The following SERINC5 variants were observed in gnomAD, a reference collection of about 807,000 sequenced individuals.
SERINC5 encodes serine incorporator 5.
SERINC5 carries 41 observed loss-of-function variants against 63.1 expected under a neutral mutation model. That is an observed-to-expected ratio of 0.65 (90% CI 0.51 to 0.84). The LOEUF is 0.84. SERINC5 is among the 40% of genes least tolerant of loss of function. SERINC5 has a pLI of 0.00. For missense variants in SERINC5, 523 were observed against 573.0 expected, an observed-to-expected ratio of 0.91 and a Z score of 0.89; for synonymous variants, 222 against 215.2, an observed-to-expected ratio of 1.03 and a Z score of -0.28.
rs779512008 is a variant in SERINC5 at position 80,203,284 on chromosome 5, T to A, written c.28-231A>T. ...TATATATATATATGTGTATATATAT[T>A]TATATATATTGAGACAGTCTATATC... On this transcript the variant is annotated intron_variant, in intron 1 of 11. Coordinates refer to ENST00000507668, the MANE Select transcript of SERINC5 (RefSeq NM_001174072.3). 4.6e-5 allele frequency: 8 copies of A among 174,316 alleles called. No homozygotes were observed. The East Asian group carries it at 6.6e-4, about 14-fold the overall frequency. The allele number at this position is 174,316 out of a possible 1,614,324, so 10.8% of individuals were successfully genotyped here. A position where few individuals can be genotyped will look rare whatever the true frequency, so the allele number is the denominator to read the frequency against.
At chr5:80,136,295 G>A (rs1266341528), downstream of SERINC5, among the ~76,000 whole-genome samples, 2 of 151,080 alleles carry the variant, frequency 1.3e-5, no homozygotes, top group Non-Finnish European at 3.0e-5. Context: ...AAAAAAAAAT[G>A]CTTTACTCTA....
intron 2 of SERINC5, among the ~76,000 whole-genome samples, chr5:80,190,789 T>C (rs1003172387): frequency 2.0e-5 from 3 of 152,194 alleles, no homozygotes; most frequent in African/African-American, 7.2e-5. Context: ...AGAGCCCCAT[T>C]ACCTGTTCCC....
intron 4 of SERINC5, among the ~76,000 whole-genome samples, chr5:80,176,340 C>G (rs1057312152): frequency 2.6e-5 from 4 of 152,194 alleles, no homozygotes; most frequent in Non-Finnish European, 4.4e-5. Context: ...ACATGAAAAA[C>G]AAGTATGACC....
chr5:80,165,126 A>T (rs1304768425), intron 7 of SERINC5, among the ~76,000 whole-genome samples: 2 of 152,000 alleles, frequency 1.3e-5, no homozygotes, highest in Non-Finnish European at 2.9e-5. Context: ...AGAAATTAAT[A>T]CATAAACAGT....
chr5:80,223,480 C>A (rs2112544247), intron 1 of SERINC5, among the ~76,000 whole-genome samples: 1 of 152,098 alleles, frequency 6.6e-6, no homozygotes, highest in South Asian at 2.1e-4. Flanking sequence ...TCAATCCAGA[C>A]ACAGAATCCA....
rs1174325559 is a variant in SERINC5 at position 80,229,050 on chromosome 5, T to TGGGGTGGGGG, written c.28-25998_28-25997insCCCCCACCCC. Reference sequence around the variant, plus strand: ...TTTTTTTTTTTTTTTTTTTTTTTTTTGGGGATGGAGTTGCCTAGGCTGGAG... The same window carrying TGGGGTGGGGG: ...TTTTTTTTTTTTTTTTTTTTTTTTTTGGGGTGGGGGGGGGATGGAGTTGCCTAGGCTGGAG... On this transcript the variant is annotated intron_variant, in intron 1 of 11. Transcript: ENST00000507668. Among the ~76,000 whole-genome samples, 7 of 94,164 alleles carry TGGGGTGGGGG rather than the reference T, an allele frequency of 7.4e-5. No individual in the cohort carries two copies. In the East Asian group the frequency reaches 1.0e-3, roughly 14 times the overall value. The allele number at this position is 94,164 out of a possible 152,430, so 61.8% of individuals were successfully genotyped here.
At position 80,175,010 on chromosome 5, in the gene SERINC5, G is replaced by T; in HGVS notation, c.495C>A (p.Phe165Leu). 1.2e-6 allele frequency: 2 copies of T among 1,602,578 alleles called. No individual in the cohort carries two copies. Among genetic ancestry groups the T allele is most frequent in the Non-Finnish European group, 1.7e-6 (2 of 1,174,340 alleles). The change falls in exon 5 of 12, where the codon TTC becomes TTA. Residue 165 changes from phenylalanine (F) to leucine (L), a missense_variant. Coordinates refer to ENST00000507668, the MANE Select transcript of SERINC5 (RefSeq NM_001174072.3). ...CGAGCAGGAGGAGCTGGATGCCAAT[G>T]AAGAGGAAGCCTCCGACGGCTCCCA... ...RYVGAVGGFL[F>L]IGIQLLLLVE...
chr5:80,238,432 A>G (rs547504709), intron 1 of SERINC5, among the ~76,000 whole-genome samples: 53 of 152,308 alleles, frequency 3.5e-4, no homozygotes, highest in African/African-American at 1.2e-3. Flanking sequence ...TGAGAGTTTA[A>G]GAGAAGGAAG....
intron 1 of SERINC5, among the ~76,000 whole-genome samples, chr5:80,245,951 G>A (rs576197416): frequency 7.6e-6 from 1 of 131,486 alleles, no homozygotes; most frequent in Non-Finnish European, 1.6e-5. Flanking sequence ...TTACTTTAGG[G>A]ATTGTCAGCT....
At chr5:80,123,402 G>A (rs768377035) in intron 11 of SERINC5, among the ~76,000 whole-genome samples, 8 of 152,298 alleles carry the variant, frequency 5.3e-5, no homozygotes, top group African/African-American at 1.4e-4. Context: ...GATTACAGGC[G>A]TGAGCCTCCA....
Position 80,168,563 on chromosome 5 carries a change from T to C in SERINC5, c.763+772A>G, listed in dbSNP as rs554103525. Among the ~76,000 whole-genome samples the C allele has an allele frequency of 3.9e-5, 6 of 152,298 alleles. No individual in the cohort carries two copies. In the South Asian group the frequency reaches 1.2e-3, roughly 32 times the overall value. ...TCAAGGGGGCTGTACATTTATTGCCTGTATTTTCCTACCTAGAACCTGAAT... is the reference window on the plus strand; with the variant it reads ...TCAAGGGGGCTGTACATTTATTGCCCGTATTTTCCTACCTAGAACCTGAAT... On this transcript the variant is annotated intron_variant, in intron 6 of 11. Coordinates refer to ENST00000507668, the MANE Select transcript of SERINC5 (RefSeq NM_001174072.3).
Position 80,112,563 on chromosome 5 carries a change from A to G in SERINC5, c.*30-861T>C, listed in dbSNP as rs1236042094. Among the ~76,000 whole-genome samples the G allele has an allele frequency of 3.3e-5, 5 of 152,016 alleles. No homozygotes were observed. The East Asian group carries it at 9.6e-4, about 29-fold the overall frequency. The stretch of plus-strand genomic sequence containing the variant: ...GCTGGGCCCACTGTTCTTTCTCTAT[A>G]CTTTGTCTCTGTGTCTTACTTCTTT... On this transcript the variant is annotated intron_variant, in intron 12 of 12. Coordinates refer to the SERINC5 transcript ENST00000509193.
At chr5:80,235,400 C>T (rs868579555) in intron 1 of SERINC5, among the ~76,000 whole-genome samples, 1 of 152,038 alleles carries the variant, frequency 6.6e-6, no homozygotes, top group Non-Finnish European at 1.5e-5. Context: ...TAAGATGTTC[C>T]AAGTTTACTT....
chr5:80,148,273 C>T (rs1172141094), intron 9 of SERINC5, among the ~76,000 whole-genome samples: 5 of 148,240 alleles, frequency 3.4e-5, no homozygotes, highest in African/African-American at 1.3e-4. Flanking sequence ...TCACTGCAAC[C>T]TCTGCCTCCT....
chr5:80,148,189 CT>C lies in SERINC5; in HGVS notation c.1054-906del, dbSNP rs796769914. ...TCTGGTACCTTGCGTATTTTTTATTCTTTTTTTTTTTTTTTTTTGAGATGGA... is the reference window on the plus strand; with the variant it reads ...TCTGGTACCTTGCGTATTTTTTATTCTTTTTTTTTTTTTTTTTGAGATGGA... On this transcript the variant is annotated intron_variant, in intron 9 of 11. Coordinates refer to ENST00000507668, the MANE Select transcript of SERINC5 (RefSeq NM_001174072.3). Among the ~76,000 whole-genome samples, 449 of 102,316 alleles carry C rather than the reference CT, an allele frequency of 4.4e-3. 5 individuals carry two copies. The highest frequency in any genetic ancestry group is 0.011 in the African/African-American group (294 of 26,056). The allele number at this position is 102,316 out of a possible 152,430, so 67.1% of individuals were successfully genotyped here. A position where few individuals can be genotyped will look rare whatever the true frequency, so the allele number is the denominator to read the frequency against.
intron 2 of SERINC5, among the ~76,000 whole-genome samples, chr5:80,200,402 C>T (rs7721215): frequency 0.29 from 43,453 of 149,340 alleles, 6,568 homozygotes; most frequent in African/African-American, 0.31. Flanking sequence ...AGGAGAATGG[C>T]GTGAACCCAG....
intron 7 of SERINC5, among the ~76,000 whole-genome samples, chr5:80,165,856 G>A (rs1274152428): frequency 6.6e-6 from 1 of 152,134 alleles, no homozygotes. Flanking sequence ...AATCGAAAAA[G>A]GGAATTTTCC....
At chr5:80,177,169 T>C in intron 4 of SERINC5, 146 bp downstream of exon 4, 1 of 599,298 alleles carries the variant, frequency 1.7e-6, no homozygotes, top group Non-Finnish European at 3.0e-6. Context: ...GGAAAAAGTA[T>C]GGGCAGGTAA....
At chr5:80,183,568 A>C (rs189081453) in intron 2 of SERINC5, among the ~76,000 whole-genome samples, 2 of 152,250 alleles carry the variant, frequency 1.3e-5, no homozygotes, top group Admixed American at 1.3e-4. Context: ...AAAGAAGTGA[A>C]AAGGCCCTGC....
Sources: gnomAD v4.1 joint callset for allele counts (sites outside exome capture counted in the v4.1 genomes callset) on GRCh38, gnomAD v4.1.1 for gene constraint, MANE v1.5 for transcripts, NCBI Gene and HGNC (gene_info 2026-07-23, HGNC 2026-07-21) for gene names.